The following MCC variants were observed in gnomAD, a reference collection of about 807,000 sequenced individuals.
The protein encoded by MCC is colorectal mutant cancer protein.
A neutral mutation model predicts 116.2 loss-of-function variants in MCC; 90 were observed. The ratio of observed to expected loss-of-function variants is 0.77; its 90% CI spans 0.65 to 0.92. The LOEUF is 0.92. Among genes scored for constraint, MCC ranks in the 40% least tolerant of loss-of-function variants. The probability of loss-of-function intolerance (pLI) is 0.00; values close to 1 mark genes in which losing one functional copy is unlikely to be tolerated. For synonymous variants in MCC, 578 were observed against 510.5 expected (o/e 1.13, Z -1.78); for missense variants, 1,516 against 1,312.2 (o/e 1.16, Z -2.40).
chr5:113,365,729 T>C (rs1768670799), intron 2 of MCC, among the ~76,000 whole-genome samples: 1 of 152,198 alleles, frequency 6.6e-6, no homozygotes, highest in Non-Finnish European at 1.5e-5. Flanking sequence ...AGAGGAAACA[T>C]GATGCTGGCA....
Position 113,049,235 on chromosome 5 carries a change from A to C in MCC, c.2513T>G (p.Leu838Arg), listed in dbSNP as rs750587377. The C allele has an allele frequency of 1.2e-6, 2 of 1,613,670 alleles. No individual in the cohort carries two copies. Among genetic ancestry groups the C allele is most frequent in the South Asian group, 2.2e-5 (2 of 90,922 alleles). The change falls in exon 16 of 19, where the codon CTG becomes CGG. Residue 838 changes from leucine (L) to arginine (R), a missense_variant. By Grantham distance (102) the Leu-to-Arg change is moderately radical. Transcript: ENST00000408903. ...CTGGGCCTCCCGCGTGCTCAGCTTC[A>C]GCTCCAGGGCCTTCTTCTCTTTCTC... Reference protein sequence around the residue: ...LLEKEKKALELKLSTREAQEQ... With the variant: ...LLEKEKKALERKLSTREAQEQ...
At chr5:113,118,852 T>C (rs892037867) in intron 6 of MCC, among the ~76,000 whole-genome samples, 5 of 152,234 alleles carry the variant, frequency 3.3e-5, no homozygotes, top group Non-Finnish European at 5.9e-5. Context: ...CTCCTCCTTG[T>C]TGTGCCCAAG....
chr5:113,158,847 C>T (rs1475908154), intron 3 of MCC, among the ~76,000 whole-genome samples: 1 of 152,208 alleles, frequency 6.6e-6, no homozygotes, highest in Non-Finnish European at 1.5e-5. Context: ...ATCTTCTCCA[C>T]TATGTGCATC....
chr5:113,239,033 T>G (rs543004432), intron 3 of MCC, among the ~76,000 whole-genome samples: 11 of 152,196 alleles, frequency 7.2e-5, no homozygotes, highest in Admixed American at 4.6e-4. Context: ...TTTTTCAATC[T>G]TATCCTTTAA....
intron 13 of MCC, 124 bp from the exon 14 acceptor site, chr5:113,064,291 G>A (rs182725813): frequency 6.1e-6 from 5 of 821,492 alleles, no homozygotes; most frequent in South Asian, 1.8e-5. Context: ...GGAATTGGCA[G>A]TGCCCAGCCG....
intron 1 of MCC, among the ~76,000 whole-genome samples, chr5:113,391,723 G>GAA (rs35813804): frequency 3.8e-4 from 54 of 142,338 alleles, no homozygotes; most frequent in Non-Finnish European, 6.0e-4. Context: ...TGTCTCTGGG[G>GAA]AAAAAAAAAA....
At chr5:113,238,704 G>T (rs975367808) in intron 3 of MCC, among the ~76,000 whole-genome samples, 1 of 152,130 alleles carries the variant, frequency 6.6e-6, no homozygotes, top group African/African-American at 2.4e-5. Context: ...CATGCCAATG[G>T]GTATGGGATG....
At chr5:113,279,091 G>T (rs1263208947) in intron 3 of MCC, among the ~76,000 whole-genome samples, 2 of 152,140 alleles carry the variant, frequency 1.3e-5, no homozygotes, top group African/African-American at 4.8e-5. Context: ...CAATGAAAAG[G>T]TTAACTTCTT....
chr5:113,108,938 C>T (rs145809225), intron 6 of MCC, among the ~76,000 whole-genome samples: 3,478 of 152,254 alleles, frequency 0.023, 55 homozygotes, highest in Non-Finnish European at 0.034. Flanking sequence ...CTGTCCATTG[C>T]TATTTTTCCC....
At chr5:113,470,011 T>A (rs902585072) in intron 1 of MCC, among the ~76,000 whole-genome samples, 7 of 152,148 alleles carry the variant, frequency 4.6e-5, no homozygotes, top group African/African-American at 1.7e-4. Flanking sequence ...AACCTCTGCC[T>A]TTTTTTGTTT....
chr5:113,249,473 C>T (rs1011484333), intron 3 of MCC, among the ~76,000 whole-genome samples: 2 of 152,200 alleles, frequency 1.3e-5, no homozygotes, highest in Non-Finnish European at 2.9e-5. Context: ...TCTGTGGAGA[C>T]AAGATTTCCT....
At chr5:113,208,946 G>C (rs1561458898) in intron 3 of MCC, among the ~76,000 whole-genome samples, 1 of 152,186 alleles carries the variant, frequency 6.6e-6, no homozygotes, top group African/African-American at 2.4e-5. Flanking sequence ...TCTCTGAGGG[G>C]CTAAGGGTCG....
In MCC at chr5:113,046,710, A is replaced by AAAAAAAAAAAAAAAAAAG; in HGVS notation, c.2655+2382_2655+2383insCTTTTTTTTTTTTTTTTT. Among the ~76,000 whole-genome samples the AAAAAAAAAAAAAAAAAAG allele has an allele frequency of 2.0e-3, 205 of 102,434 alleles. 35 individuals carry two copies. The highest frequency in any genetic ancestry group is 3.3e-3 in the African/African-American group (84 of 25,080). 67.2% of individuals were successfully genotyped at this position (102,434 alleles called of 152,430 possible). A position where few individuals can be genotyped will look rare whatever the true frequency, so the allele number is the denominator to read the frequency against. ...CAAAAAAAAAAAAAAAAAAAAAAAA[A>AAAAAAAAAAAAAAAAAAG]AGAGAGAGATTTTGAAGGTGTTTGT... On this transcript the variant is annotated intron_variant, in intron 16 of 18. Transcript: ENST00000408903.
intron 2 of MCC, among the ~76,000 whole-genome samples, chr5:113,360,318 T>C (rs1029318445): frequency 6.6e-6 from 1 of 152,270 alleles, no homozygotes; most frequent in Non-Finnish European, 1.5e-5. Flanking sequence ...GATTTTCTAA[T>C]GTTAAACCAA....
rs768971961 is a variant in MCC at position 113,434,041 on chromosome 5, G to T, written c.171-48829C>A. ...TTGGGCTGCATCCAGCAGTGGCTGA[G>T]GATCTCGTCGATGTGGAGCCGCCGG... On this transcript the variant is annotated intron_variant, in intron 1 of 18. Transcript: ENST00000408903. The surrounding 1 kb of genome is among the most constrained non-coding windows in gnomAD (Gnocchi z 4.2). 3.1e-6 allele frequency: 5 copies of T among 1,613,976 alleles called. No individual in the cohort carries two copies. The highest frequency in any genetic ancestry group is 3.4e-6 in the Non-Finnish European group (4 of 1,179,928).
intron 5 of MCC, among the ~76,000 whole-genome samples, chr5:113,126,950 T>C (rs1019071570): frequency 6.6e-6 from 1 of 152,176 alleles, no homozygotes; most frequent in African/African-American, 2.4e-5. Context: ...CTTGGGGGGT[T>C]TGTTGTACAG....
Position 113,283,700 on chromosome 5 carries a change from A to G in MCC, c.627+56819T>C, listed in dbSNP as rs74521033. Among the ~76,000 whole-genome samples, 815 of 152,336 alleles carry G rather than the reference A, an allele frequency of 5.4e-3. 4 individuals carry two copies. The highest frequency in any genetic ancestry group is 9.3e-3 in the Non-Finnish European group (632 of 68,024). On this transcript the variant is annotated intron_variant, in intron 3 of 18. Coordinates refer to ENST00000408903, the MANE Select transcript of MCC (RefSeq NM_001085377.2). ...GGCGTATTGTCCCTGCTAGGCTCCA[A>G]CAATCTTTGTCAATAAAAGCCTGTT...
chr5:113,039,215 T>G (rs1035544293), intron 17 of MCC, among the ~76,000 whole-genome samples: 14 of 152,120 alleles, frequency 9.2e-5, no homozygotes, highest in Non-Finnish European at 1.9e-4. Context: ...AAAAAGATAT[T>G]TTTTACTTAT....
At chr5:113,449,459 A>C (rs917120252) in intron 1 of MCC, among the ~76,000 whole-genome samples, 1 of 152,156 alleles carries the variant, frequency 6.6e-6, no homozygotes, top group African/African-American at 2.4e-5. Flanking sequence ...GCATTCATTC[A>C]CTCATCTGAC....
Sources: allele counts gnomAD v4.1 joint callset (sites outside exome capture counted in the v4.1 genomes callset), GRCh38; gene constraint gnomAD v4.1.1; non-coding constraint Gnocchi (gnomAD v3.1); transcripts MANE v1.5; gene names NCBI Gene and HGNC (gene_info 2026-07-23, HGNC 2026-07-21).